CNIH3: variants seen among roughly 807,000 people sequenced by gnomAD.
CNIH3 encodes the protein cornichon family AMPA receptor auxiliary protein 3, also known as protein cornichon homolog 3.
In CNIH3, 14 loss-of-function variants were observed where a neutral mutation model predicts 24.1. The ratio of observed to expected loss-of-function variants is 0.58; its 90% CI spans 0.38 to 0.91. The LOEUF (loss-of-function observed/expected upper bound fraction) is 0.91. Ranked by LOEUF, CNIH3 falls within the 40% of genes least tolerant of loss-of-function variation. The pLI is 0.00. For missense variants in CNIH3, 178 were observed against 196.8 expected, an observed-to-expected ratio of 0.90 and a Z score of 0.57; for synonymous variants, 68 against 73.8, an observed-to-expected ratio of 0.92 and a Z score of 0.40.
chr1:224,646,892 C>G (rs1431331382), intron 1 of CNIH3, among the ~76,000 whole-genome samples: 3 of 152,164 alleles, frequency 2.0e-5, no homozygotes, highest in African/African-American at 7.2e-5. Context: ...GTCAGTTAGC[C>G]TAGAGCCCAT....
chr1:224,734,408 C>T (rs1332237180), intron 4 of CNIH3, among the ~76,000 whole-genome samples, 155 bp from the exon 5 acceptor site: 2 of 152,194 alleles, frequency 1.3e-5, no homozygotes, highest in African/African-American at 2.4e-5. Context: ...AGTGGCTGAG[C>T]CACTCTTCAG....
intron 4 of CNIH3, among the ~76,000 whole-genome samples, chr1:224,575,892 C>T (rs1499292): frequency 0.7 from 106,603 of 152,002 alleles, 39,072 homozygotes; most frequent in East Asian, 0.99. Flanking sequence ...ATCTTCACTG[C>T]TTTTCTCAGG....
At chr1:224,708,372 T>G (rs1197962765) in intron 3 of CNIH3, among the ~76,000 whole-genome samples, 2 of 152,216 alleles carry the variant, frequency 1.3e-5, no homozygotes, top group Admixed American at 1.3e-4. Context: ...TTTTTTCCCC[T>G]GTCTTAAAAC....
downstream of CNIH3, among the ~76,000 whole-genome samples, chr1:224,589,781 G>T (rs1332637076): frequency 3.3e-5 from 5 of 152,208 alleles, no homozygotes; most frequent in Non-Finnish European, 5.9e-5. Flanking sequence ...GGAGCCCAGG[G>T]CAGGCAGGGG....
At chr1:224,486,261 A>G (rs1324863865) in intron 1 of CNIH3, among the ~76,000 whole-genome samples, 1 of 151,182 alleles carries the variant, frequency 6.6e-6, no homozygotes, top group Non-Finnish European at 1.5e-5. Flanking sequence ...GCATGCCACC[A>G]TGCCCAGCTA....
At chr1:224,670,566 G>A (rs976925241) in intron 1 of CNIH3, among the ~76,000 whole-genome samples, 1 of 152,174 alleles carries the variant, frequency 6.6e-6, no homozygotes, top group African/African-American at 2.4e-5. Flanking sequence ...GAGAGTGCCA[G>A]GACAGGTCCT....
chr1:224,540,190 C>G (rs1225810956), downstream of CNIH3, among the ~76,000 whole-genome samples: 1 of 152,208 alleles, frequency 6.6e-6, no homozygotes, highest in South Asian at 2.1e-4. Context: ...CATGGAAATG[C>G]AGCTGCACTC....
At chr1:224,695,316 A>G (rs1488089823) in intron 3 of CNIH3, among the ~76,000 whole-genome samples, 2 of 151,668 alleles carry the variant, frequency 1.3e-5, no homozygotes, top group African/African-American at 2.4e-5. Flanking sequence ...CCAAATCTCT[A>G]CAGTTGCATG....
chr1:224,523,238 C>CA (rs879799320), intron 2 of CNIH3, among the ~76,000 whole-genome samples: 158 of 133,456 alleles, frequency 1.2e-3, no homozygotes, highest in Middle Eastern at 7.6e-3. Context: ...GACCCTGTCT[C>CA]AAAAAAAAAA....
intron 1 of CNIH3, among the ~76,000 whole-genome samples, chr1:224,627,765 C>T (rs1055390481): frequency 2.0e-5 from 3 of 152,130 alleles, no homozygotes; most frequent in Non-Finnish European, 2.9e-5. Context: ...GGCTCAGGGG[C>T]CCGGGGTGCT....
intron 2 of CNIH3, among the ~76,000 whole-genome samples, chr1:224,529,611 T>C (rs1028822454): frequency 3.3e-5 from 5 of 152,142 alleles, no homozygotes; most frequent in Non-Finnish European, 5.9e-5. Context: ...CTAGTGAACT[T>C]ATGCTGCCCC....
At chr1:224,573,356 G>A (rs1680901346) in intron 4 of CNIH3, among the ~76,000 whole-genome samples, 1 of 152,166 alleles carries the variant, frequency 6.6e-6, no homozygotes, top group Non-Finnish European at 1.5e-5. Flanking sequence ...CAAGGTGCAA[G>A]GTACAGCCTT....
chr1:224,692,440 T>C (rs952450222), intron 3 of CNIH3, among the ~76,000 whole-genome samples: 8 of 152,182 alleles, frequency 5.3e-5, no homozygotes, highest in Non-Finnish European at 1.2e-4. Flanking sequence ...CTGGAGGGAA[T>C]GGCATATTTT....
chr1:224,441,116 A>T (rs937952099), intron 1 of CNIH3, among the ~76,000 whole-genome samples: 1 of 152,154 alleles, frequency 6.6e-6, no homozygotes, highest in African/African-American at 2.4e-5. Context: ...GTGCCCGGCC[A>T]GTATGAAGTA....
intron 1 of CNIH3, among the ~76,000 whole-genome samples, chr1:224,644,323 A>G (rs1684497040): frequency 6.6e-6 from 1 of 151,956 alleles, no homozygotes; most frequent in Non-Finnish European, 1.5e-5. Flanking sequence ...CAATCCTCCT[A>G]CCTTAACCTT....
chr1:224,670,527 A>C (rs989768456), intron 1 of CNIH3, among the ~76,000 whole-genome samples: 8 of 152,202 alleles, frequency 5.3e-5, no homozygotes, highest in Non-Finnish European at 1.2e-4. Flanking sequence ...TGAGACAATG[A>C]TAAGCTACCC....
downstream of CNIH3, among the ~76,000 whole-genome samples, chr1:224,590,669 C>T (rs1809879): frequency 0.41 from 63,015 of 151,906 alleles, 13,672 homozygotes; most frequent in East Asian, 0.59. Context: ...GTGGAGCCCT[C>T]GTGACCTAAA....
At chr1:224,668,976 C>T (rs1685734972) in intron 1 of CNIH3, among the ~76,000 whole-genome samples, 1 of 152,174 alleles carries the variant, frequency 6.6e-6, no homozygotes, top group Non-Finnish European at 1.5e-5. Flanking sequence ...GCAGGCTGCC[C>T]CCACTTCTTC....
intron 1 of CNIH3, among the ~76,000 whole-genome samples, chr1:224,453,738 G>A (rs552049422): frequency 2.7e-4 from 41 of 151,884 alleles, no homozygotes; most frequent in South Asian, 1.5e-3. Flanking sequence ...CCTCAAAATT[G>A]TGGGATCAAG....
Sources: allele counts gnomAD v4.1 joint callset (sites outside exome capture counted in the v4.1 genomes callset), GRCh38; gene constraint gnomAD v4.1.1; transcripts MANE v1.5; gene names NCBI Gene and HGNC (gene_info 2026-07-23, HGNC 2026-07-21).